Variants in PRKCH observed in about 807,000 individuals in gnomAD.
PRKCH encodes protein kinase C eta type.
Under a neutral mutation model 82.5 loss-of-function variants are expected in PRKCH, and 28 were observed. That is an observed-to-expected ratio of 0.34 (90% CI 0.25 to 0.47). The LOEUF (loss-of-function observed/expected upper bound fraction) is 0.47. Ranked by LOEUF, PRKCH falls within the 20% of genes least tolerant of loss-of-function variation. The probability of loss-of-function intolerance (pLI) is 1.00; values close to 1 mark genes in which losing one functional copy is unlikely to be tolerated. For missense variants in PRKCH, 705 were observed against 881.8 expected (o/e 0.80, Z 2.54); for synonymous variants, 322 against 327.4 (o/e 0.98, Z 0.18).
At chr14:61,451,252 G>C (rs1412314004) in intron 6 of PRKCH, among the ~76,000 whole-genome samples, 1 of 152,128 alleles carries the variant, frequency 6.6e-6, no homozygotes, top group Admixed American at 6.5e-5. Flanking sequence ...TATTTTAATA[G>C]GTGTTTGGAA....
At chr14:61,491,773 G>A (rs1288438415) in intron 10 of PRKCH, among the ~76,000 whole-genome samples, 1 of 152,184 alleles carries the variant, frequency 6.6e-6, no homozygotes, top group Non-Finnish European at 1.5e-5. Flanking sequence ...AGTATTTGTT[G>A]AGCGTCACCC....
At chr14:61,340,967 A>G (rs1451600109) in intron 1 of PRKCH, among the ~76,000 whole-genome samples, 1 of 152,032 alleles carries the variant, frequency 6.6e-6, no homozygotes, top group Non-Finnish European at 1.5e-5. Flanking sequence ...TTTCCCCACA[A>G]TTACCACACT....
rs114072026 is a variant in PRKCH at position 61,340,975 on chromosome 14, A to G, written c.363+18511A>G. 6.3e-3 allele frequency among the ~76,000 whole-genome samples: 958 copies of G among 151,614 alleles called. 11 individuals carry two copies. Among genetic ancestry groups the G allele is most frequent in the African/African-American group, 0.022 (921 of 41,320 alleles). ...TTCTTCTTTTCCCCACAATTACCAC[A>G]CTCGTTTGTATCATACATATGGATT... On this transcript the variant is annotated intron_variant, in intron 1 of 13. Transcript: ENST00000332981.
chr14:61,382,949 A>T (rs969123688), intron 1 of PRKCH, among the ~76,000 whole-genome samples: 1 of 152,222 alleles, frequency 6.6e-6, no homozygotes, highest in Non-Finnish European at 1.5e-5. Flanking sequence ...CCTGTTTAGA[A>T]TCATGGAACA....
At chr14:61,398,623 A>G (rs2046819622) in intron 2 of PRKCH, among the ~76,000 whole-genome samples, 1 of 152,220 alleles carries the variant, frequency 6.6e-6, no homozygotes, top group South Asian at 2.1e-4. Flanking sequence ...CTTGCCAAAA[A>G]GTAGAGGTAG....
intron 10 of PRKCH, among the ~76,000 whole-genome samples, chr14:61,497,598 T>G (rs1387623223): frequency 6.6e-6 from 1 of 152,216 alleles, no homozygotes; most frequent in Non-Finnish European, 1.5e-5. Context: ...GGAACATTTC[T>G]GTCATCCTAG....
At chr14:61,400,111 C>A (rs997720524) in intron 2 of PRKCH, among the ~76,000 whole-genome samples, 14 of 152,174 alleles carry the variant, frequency 9.2e-5, no homozygotes, top group African/African-American at 3.4e-4. Context: ...CAGTTTTTAG[C>A]TCACATTTCT....
In PRKCH at chr14:61,223,870, G is replaced by A. The variant is rs2044674440; in HGVS notation, c.-19+36202G>A. 4.6e-5 allele frequency among the ~76,000 whole-genome samples: 7 copies of A among 152,120 alleles called. 1 individual carries two copies. The South Asian group carries it at 1.5e-3, about 32-fold the overall frequency. On this transcript the variant is annotated intron_variant, in intron 1 of 3. Transcript: ENST00000555185. ...TTGTGAGGGACTTCATTTGCAACTG[G>A]CAACCTTACACCCACATGTCTGGCC...
chr14:61,417,415 C>T (rs1882618368), intron 2 of PRKCH, among the ~76,000 whole-genome samples: 1 of 152,230 alleles, frequency 6.6e-6, no homozygotes, highest in Non-Finnish European at 1.5e-5. Context: ...AGAGACTGCT[C>T]TTCAAATGGT....
chr14:61,477,665 A>G (rs1269643124), intron 9 of PRKCH, among the ~76,000 whole-genome samples: 1 of 152,264 alleles, frequency 6.6e-6, no homozygotes, highest in East Asian at 1.9e-4. Flanking sequence ...TAGAAAACTT[A>G]TCAGAACTGA....
intron 1 of PRKCH, among the ~76,000 whole-genome samples, chr14:61,265,516 A>T (rs1363040769): frequency 6.6e-6 from 1 of 152,144 alleles, no homozygotes; most frequent in East Asian, 1.9e-4. Flanking sequence ...TTTACAGAGG[A>T]GACACAGAAC....
chr14:61,281,065 G>T, intron 1 of PRKCH: 2 of 1,519,932 alleles, frequency 1.3e-6, no homozygotes. Flanking sequence ...CGACAGCAGC[G>T]GCTGCCAGGC....
At chr14:61,272,090 T>C (rs61993661) in intron 1 of PRKCH, among the ~76,000 whole-genome samples, 86,679 of 151,236 alleles carry the variant, frequency 0.57, 28,982 homozygotes, top group Non-Finnish European at 0.74. Context: ...TAGCCGGGCG[T>C]GGTGGCGGGC....
intron 1 of PRKCH, among the ~76,000 whole-genome samples, chr14:61,294,434 T>G (rs979941630): frequency 2.0e-5 from 3 of 152,086 alleles, no homozygotes; most frequent in African/African-American, 7.2e-5. Flanking sequence ...AGTTTTAGAT[T>G]TTTATTTAAA....
intron 1 of PRKCH, chr14:61,298,879 G>A (rs1476735427): frequency 6.6e-6 from 1 of 152,154 alleles, no homozygotes; most frequent in African/African-American, 2.4e-5. Flanking sequence ...AAGTTTTAGA[G>A]GAGGAGTGAA....
intron 2 of PRKCH, among the ~76,000 whole-genome samples, chr14:61,439,247 C>T (rs181429246): frequency 6.6e-6 from 1 of 152,198 alleles, no homozygotes; most frequent in African/African-American, 2.4e-5. Context: ...GAGGAAGTTC[C>T]CTCTGCATTC....
At chr14:61,466,926 G>T (rs1023612926) in intron 9 of PRKCH, among the ~76,000 whole-genome samples, 1 of 152,164 alleles carries the variant, frequency 6.6e-6, no homozygotes, top group African/African-American at 2.4e-5. Flanking sequence ...GTTTTTGAAG[G>T]TCAGAATATC....
At chr14:61,540,155 G>T (rs946315040) in intron 12 of PRKCH, among the ~76,000 whole-genome samples, 1 of 152,126 alleles carries the variant, frequency 6.6e-6, no homozygotes, top group Non-Finnish European at 1.5e-5. Context: ...ATTTTTTCCA[G>T]CCCTATTACT....
chr14:61,282,141 C>T (rs2045276025), intron 1 of PRKCH, among the ~76,000 whole-genome samples: 1 of 151,998 alleles, frequency 6.6e-6, no homozygotes. Flanking sequence ...AATCCAAGGT[C>T]CCAGGAGACC....
Sources: gnomAD v4.1 joint callset for allele counts (sites outside exome capture counted in the v4.1 genomes callset) on GRCh38, gnomAD v4.1.1 for gene constraint, MANE v1.5 for transcripts, NCBI Gene and HGNC (gene_info 2026-07-23, HGNC 2026-07-21) for gene names.